Variants in ZNF334 observed in about 807,000 individuals in gnomAD.
The protein encoded by ZNF334 is zinc finger protein 334.
Under a neutral mutation model 12.4 loss-of-function variants are expected in ZNF334, and 14 were observed. The observed-to-expected ratio is 1.13, with a 90% CI of 0.74 to 1.76. The LOEUF (loss-of-function observed/expected upper bound fraction) is 1.76. Among genes scored for constraint, ZNF334 ranks in the 40% most tolerant of loss-of-function variants. ZNF334 has a pLI of 0.00. For missense variants in ZNF334, 797 were observed against 804.5 expected (o/e 0.99, Z 0.11); for synonymous variants, 273 against 269.6 (o/e 1.01, Z -0.12).
At chr20:46,466,514 C>T in the ZNF334 span, among the ~76,000 whole-genome samples, 1 of 152,112 alleles carries the variant, frequency 6.6e-6, no homozygotes, top group Non-Finnish European at 1.5e-5. Context: ...GACAGAGTCT[C>T]GCTCCGTTGC....
At chr20:46,468,017 C>T in the ZNF334 span, among the ~76,000 whole-genome samples, 1 of 152,174 alleles carries the variant, frequency 6.6e-6, no homozygotes, top group Non-Finnish European at 1.5e-5. Context: ...AGTGATATGA[C>T]TCCTCACAAA....
In ZNF334 at chr20:46,501,965, C is replaced by T; in HGVS notation, c.1374G>A (p.Lys458=). ...LIAHQITHRG[K]KSYECNECGK... is the part of the protein sequence containing the mutation. ...CACATTCATTACATTCATAAGACTTCTTTCCTCTATGAGTTATCTGATGTG... is the reference window on the plus strand; with the variant it reads ...CACATTCATTACATTCATAAGACTTTTTTCCTCTATGAGTTATCTGATGTG... The change falls in exon 5 of 5, where the codon AAG becomes AAA. Residue 458 remains lysine (K), a synonymous_variant. Coordinates refer to ENST00000692313, the MANE Select transcript of ZNF334 (RefSeq NM_001353824.2). 6.2e-7 allele frequency: 1 copy of T among 1,614,016 alleles called. No homozygotes were observed. Among genetic ancestry groups the T allele is most frequent in the African/African-American group, 1.3e-5 (1 of 75,060 alleles).
At chr20:46,481,809 T>C in the ZNF334 span, among the ~76,000 whole-genome samples, 6 of 152,004 alleles carry the variant, frequency 3.9e-5, no homozygotes, top group Admixed American at 6.5e-5. Flanking sequence ...CAGAAGAAAA[T>C]AGAAGGCCAG....
At chr20:46,469,179 T>C in the ZNF334 span, among the ~76,000 whole-genome samples, 19 of 152,284 alleles carry the variant, frequency 1.2e-4, no homozygotes, top group African/African-American at 4.6e-4. Context: ...ACACTATACC[T>C]GTAATAAGAA....
intron 4 of ZNF334, 83 bp from the exon 5 acceptor site, chr20:46,503,180 T>C: frequency 6.9e-7 from 1 of 1,439,930 alleles, no homozygotes; most frequent in Non-Finnish European, 9.2e-7. Flanking sequence ...AAATGCATTG[T>C]TTTAGGGGTT....
chr20:46,474,972 A>G, the ZNF334 span, among the ~76,000 whole-genome samples: 1 of 152,210 alleles, frequency 6.6e-6, no homozygotes, highest in South Asian at 2.1e-4. Context: ...ACAGAGGCAC[A>G]GATAGATTAT....
At chr20:46,469,830 T>C in the ZNF334 span, among the ~76,000 whole-genome samples, 1 of 152,120 alleles carries the variant, frequency 6.6e-6, no homozygotes, top group African/African-American at 2.4e-5. Context: ...TGGCTCGCCT[T>C]CAGGGTTCAG....
At chr20:46,506,223 A>G (rs2061424991) in intron 2 of ZNF334, 1 of 448,786 alleles carries the variant, frequency 2.2e-6, no homozygotes, top group Non-Finnish European at 4.0e-6. Flanking sequence ...GCAATATTTG[A>G]AAGCATAAAT....
Position 46,501,502 on chromosome 20 carries a change from A to C in ZNF334, c.1837T>G (p.Ser613Ala), listed in dbSNP as rs1384681314. 1.2e-6 allele frequency: 2 copies of C among 1,614,154 alleles called. No homozygotes were observed. The highest frequency in any genetic ancestry group is 1.1e-5 in the South Asian group (1 of 91,084). ...ATTCTTCTATGGACTCTGAAGGCTGACTTATGGCAGAAGGATTTCCCACAT... is the reference window on the plus strand; with the variant it reads ...ATTCTTCTATGGACTCTGAAGGCTGCCTTATGGCAGAAGGATTTCCCACAT... ...NECGKSFCHK[S>A]AFRVHRRIHT... is the part of the protein sequence containing the mutation. Residue 613 changes from serine (S) to alanine (A), a missense_variant, in exon 5 of 5, where the codon TCA (serine) becomes GCA (alanine). Physicochemically the swap from Ser to Ala is moderately conservative, Grantham distance 99 (BLOSUM62 1). Transcript: ENST00000692313.
the ZNF334 span, among the ~76,000 whole-genome samples, chr20:46,483,302 T>G: frequency 4.6e-5 from 7 of 151,460 alleles, no homozygotes; most frequent in South Asian, 1.5e-3. Flanking sequence ...TTTTTTTTTC[T>G]TATTGATCTG....
At chr20:46,477,014 A>T in the ZNF334 span, 1 of 152,228 alleles carries the variant, frequency 6.6e-6, no homozygotes, top group Non-Finnish European at 1.5e-5. Flanking sequence ...AAAATAATTC[A>T]TGCTGGTACA....
chr20:46,468,577 C>T, the ZNF334 span, among the ~76,000 whole-genome samples: 1 of 152,156 alleles, frequency 6.6e-6, no homozygotes, highest in Middle Eastern at 3.4e-3. Flanking sequence ...GAGCTACACC[C>T]CCGGGCCTAT....
chr20:46,463,857 A>G, the ZNF334 span: 1 of 415,234 alleles, frequency 2.4e-6, no homozygotes, highest in East Asian at 6.6e-5. Context: ...CTGCTGTCTG[A>G]GGTCAGCAGG....
intron 2 of ZNF334, among the ~76,000 whole-genome samples, chr20:46,508,917 T>C (rs767323045): frequency 2.0e-5 from 3 of 152,200 alleles, no homozygotes; most frequent in African/African-American, 7.2e-5. Flanking sequence ...TTCAATGTAA[T>C]AGTGGATACA....
At chr20:46,504,964 G>T in intron 2 of ZNF334, 1 of 405,466 alleles carries the variant, frequency 2.5e-6, no homozygotes, top group Non-Finnish European at 4.3e-6. Context: ...CAATTGCCTG[G>T]ATTACTAATC....
the ZNF334 span, among the ~76,000 whole-genome samples, chr20:46,475,481 GACAAACT>G: frequency 6.6e-6 from 1 of 152,012 alleles, no homozygotes; most frequent in African/African-American, 2.4e-5. Flanking sequence ...AGAATGAAAT[GACAAACT>G]ACAAAGTGGG....
the ZNF334 span, among the ~76,000 whole-genome samples, chr20:46,486,604 C>A: frequency 1.9e-4 from 29 of 152,108 alleles, 1 homozygote; most frequent in Non-Finnish European, 1.5e-5. Flanking sequence ...ATCCATCACA[C>A]AGCCAGTTTT....
the ZNF334 span, among the ~76,000 whole-genome samples, chr20:46,467,719 T>C: frequency 2.0e-5 from 3 of 152,244 alleles, no homozygotes; most frequent in African/African-American, 7.2e-5. Context: ...TTGATCTTCA[T>C]GAATTTTTTT....
At position 46,502,818 on chromosome 20, in the gene ZNF334, C is replaced by G. The variant is rs2061285024; in HGVS notation, c.521G>C (p.Ser174Thr). 6.2e-7 allele frequency: 1 copy of G among 1,613,804 alleles called. No homozygotes were observed. Among genetic ancestry groups the G allele is most frequent in the Non-Finnish European group, 8.5e-7 (1 of 1,179,992 alleles). Reference sequence around the variant, plus strand: ...TCTGTATTTTTTCATTCCCAAATGACTTTTCTCATGCTTCCCAAATCCACT... The same window carrying G: ...TCTGTATTTTTTCATTCCCAAATGAGTTTTCTCATGCTTCCCAAATCCACT... The part of the protein sequence containing the change: ...GYSGFGKHEK[S>T]HLGMKKYRYN... Residue 174 changes from serine to threonine, a missense_variant, in exon 5 of 5, where the codon AGT becomes ACT. Ser to Thr is a moderately conservative substitution (Grantham distance 58). Coordinates refer to ENST00000692313, the MANE Select transcript of ZNF334 (RefSeq NM_001353824.2).
Sources: allele counts gnomAD v4.1 joint callset (sites outside exome capture counted in the v4.1 genomes callset), GRCh38; gene constraint gnomAD v4.1.1; transcripts MANE v1.5; gene names NCBI Gene and HGNC (gene_info 2026-07-23, HGNC 2026-07-21).